Variants in REPS2 observed in about 807,000 individuals in gnomAD.
REPS2 encodes the protein ralBP1-associated Eps domain-containing protein 2.
Under a neutral mutation model 53.6 loss-of-function variants are expected in REPS2, and 23 were observed. That is an observed-to-expected ratio of 0.43 (90% CI 0.31 to 0.61). REPS2 has a LOEUF of 0.61. Ranked by LOEUF, REPS2 falls within the 20% of genes least tolerant of loss-of-function variation. The pLI, the probability that REPS2 is intolerant of heterozygous loss-of-function variation, is 0.11. For synonymous variants in REPS2, 238 were observed against 218.6 expected (o/e 1.09, Z -0.78); for missense variants, 446 against 534.9 (o/e 0.83, Z 1.64).
chrX:17,173,625 A>G, the REPS2 span, among the ~76,000 whole-genome samples: 1 of 111,947 alleles, frequency 8.9e-6, no homozygotes, highest in African/African-American at 3.3e-5. Flanking sequence ...ACATGAAGCT[A>G]CTCTAGGATC....
At position 17,064,603 on chromosome X, in the gene REPS2, G is replaced by A. The variant is rs192092218; in HGVS notation, c.1209+2071G>A. Among the ~76,000 whole-genome samples, 231 of 112,299 alleles carry A rather than the reference G, an allele frequency of 2.1e-3. 1 individual carries two copies. Among genetic ancestry groups the A allele is most frequent in the Non-Finnish European group, 3.3e-3 (178 of 53,230 alleles). On this transcript the variant is annotated intron_variant, in intron 9 of 17. Transcript: ENST00000357277. ...TTTATGAGTGTCTCTTACATTACTG[G>A]ATTTCTTTCTTTTTCTAAACAGCTT...
At chrX:16,966,336 T>G (rs1299778254) in intron 1 of REPS2, among the ~76,000 whole-genome samples, 1 of 112,182 alleles carries the variant, frequency 8.9e-6, no homozygotes, top group Non-Finnish European at 1.9e-5. Flanking sequence ...ATTTGAGACC[T>G]AAAAGTAATA....
chrX:17,051,936 C>T (rs1320618411), intron 6 of REPS2, among the ~76,000 whole-genome samples: 1 of 112,124 alleles, frequency 8.9e-6, no homozygotes, highest in Non-Finnish European at 1.9e-5. Flanking sequence ...CAAAAGCTTT[C>T]CCAAGATGTC....
chrX:17,019,068 A>G (rs1478649386), intron 2 of REPS2, among the ~76,000 whole-genome samples: 1 of 111,378 alleles, frequency 9.0e-6, no homozygotes, highest in African/African-American at 3.3e-5. Context: ...CGGCCTCCCA[A>G]AGTGCTGGGA....
At chrX:16,982,809 C>T (rs1353237324) in intron 1 of REPS2, among the ~76,000 whole-genome samples, 16 of 112,030 alleles carry the variant, frequency 1.4e-4, no homozygotes. Flanking sequence ...CAGGCTCCAT[C>T]AGCTTGTGTA....
intron 1 of REPS2, among the ~76,000 whole-genome samples, chrX:16,957,725 C>G (rs988926605): frequency 2.6e-4 from 29 of 112,100 alleles, no homozygotes; most frequent in African/African-American, 9.1e-4. Flanking sequence ...ATTTAGCATG[C>G]AGATGTTTTA....
chrX:16,962,954 C>A (rs940546300), intron 1 of REPS2, among the ~76,000 whole-genome samples: 4 of 111,165 alleles, frequency 3.6e-5, no homozygotes, highest in Non-Finnish European at 7.5e-5. Flanking sequence ...TAAAAGTTAT[C>A]TGCGTGTGGT....
rs1403572137 is a variant in REPS2 at position 16,963,557 on chromosome X, C to T, written c.273+16423C>T. Among the ~76,000 whole-genome samples the T allele has an allele frequency of 2.7e-5, 3 of 112,190 alleles. No individual in the cohort carries two copies. The Admixed American group carries it at 2.8e-4, about 11-fold the overall frequency. ...CAAAATGAGTATAATTTTTTTCTCT[C>T]TCAAAATGTAATTTTATCTGGAAAA... is the stretch of plus-strand genomic sequence containing the variant. On this transcript the variant is annotated intron_variant, in intron 1 of 17. Coordinates refer to ENST00000357277, the MANE Select transcript of REPS2 (RefSeq NM_004726.3).
intron 14 of REPS2, among the ~76,000 whole-genome samples, chrX:17,125,019 A>G (rs763955673): frequency 1.5e-4 from 16 of 109,083 alleles, no homozygotes; most frequent in Non-Finnish European, 2.9e-4. Context: ...GCGTGTCACT[A>G]CGCCCAGCTA....
At chrX:17,167,112 A>G in the REPS2 span, among the ~76,000 whole-genome samples, 10 of 111,250 alleles carry the variant, frequency 9.0e-5, no homozygotes, top group Admixed American at 5.7e-4. Context: ...AATTTTCTCT[A>G]TCTCTTATAG....
chrX:16,969,366 A>G (rs1333579820), intron 1 of REPS2, among the ~76,000 whole-genome samples: 1 of 111,608 alleles, frequency 9.0e-6, no homozygotes, highest in Non-Finnish European at 1.9e-5. Flanking sequence ...TTGGGAGGCC[A>G]AGGCAGGCTG....
intron 12 of REPS2, among the ~76,000 whole-genome samples, chrX:17,075,287 T>C (rs1041224471): frequency 2.7e-5 from 3 of 112,145 alleles, no homozygotes; most frequent in African/African-American, 9.7e-5. Flanking sequence ...ATCTGTTATG[T>C]GTACTATGTT....
intron 1 of REPS2, among the ~76,000 whole-genome samples, chrX:16,997,797 A>G (rs143584366): frequency 1.7e-4 from 19 of 112,296 alleles, no homozygotes; most frequent in African/African-American, 5.8e-4. Flanking sequence ...CAGCTCCCTA[A>G]TAGCAGAGGA....
intron 14 of REPS2, among the ~76,000 whole-genome samples, chrX:17,128,448 C>G (rs1189722319): frequency 2.7e-5 from 3 of 111,001 alleles, no homozygotes; most frequent in African/African-American, 9.8e-5. Context: ...GAATAAGTCT[C>G]TAGAGAAGAG....
intron 14 of REPS2, among the ~76,000 whole-genome samples, chrX:17,118,544 C>G (rs368345694): frequency 2.7e-3 from 297 of 112,012 alleles, no homozygotes; most frequent in African/African-American, 9.2e-3. Context: ...TTGGGCCTCG[C>G]AGTTGGTAAG....
the REPS2 span, among the ~76,000 whole-genome samples, chrX:17,170,071 C>A: frequency 1.8e-5 from 2 of 112,692 alleles, no homozygotes; most frequent in African/African-American, 6.5e-5. Flanking sequence ...AAGAAATAAA[C>A]TTTTATCATG....
chrX:16,958,459 G>T (rs929701953), intron 1 of REPS2, among the ~76,000 whole-genome samples: 1 of 111,781 alleles, frequency 8.9e-6, no homozygotes, highest in African/African-American at 3.3e-5. Flanking sequence ...TGCTCAAAGG[G>T]TTTTAGTGAA....
intron 13 of REPS2, among the ~76,000 whole-genome samples, chrX:17,095,511 T>G (rs2062684189): frequency 1.3e-5 from 1 of 77,786 alleles, no homozygotes; most frequent in Non-Finnish European, 2.4e-5. Context: ...GCTCCTAAAC[T>G]GCTTCAATCA....
At chrX:17,060,825 A>T (rs2147951492) in intron 8 of REPS2, among the ~76,000 whole-genome samples, 1 of 111,157 alleles carries the variant, frequency 9.0e-6, no homozygotes, top group African/African-American at 3.3e-5. Flanking sequence ...TTTTAGGCAG[A>T]TAAGTGACAC....
Sources: allele counts gnomAD v4.1 joint callset (sites outside exome capture counted in the v4.1 genomes callset), GRCh38; gene constraint gnomAD v4.1.1; transcripts MANE v1.5; gene names NCBI Gene and HGNC (gene_info 2026-07-23, HGNC 2026-07-21).